Variants in PRAM1 observed in about 807,000 individuals in gnomAD.
PRAM1 encodes PML-RARA regulated adaptor molecule 1.
A neutral mutation model predicts 55.3 loss-of-function variants in PRAM1; 41 were observed. The ratio of observed to expected loss-of-function variants is 0.74; its 90% confidence interval spans 0.58 to 0.96. The LOEUF (loss-of-function observed/expected upper bound fraction) is 0.96, where lower values mean the gene tolerates loss of function less well. PRAM1 is among the 40% of genes least tolerant of loss of function. PRAM1 has a pLI of 0.00. For synonymous variants in PRAM1, 401 were observed against 387.1 expected, an observed-to-expected ratio of 1.04 and a Z score of -0.42; for missense variants, 898 against 892.7, an observed-to-expected ratio of 1.01 and a Z score of -0.08.
At position 8,499,198 on chromosome 19, in the gene PRAM1, A is replaced by G; in HGVS notation, c.610T>C (p.Ser204Pro). 1 of 1,610,498 alleles carries G rather than the reference A, an allele frequency of 6.2e-7. No homozygotes were observed. Among genetic ancestry groups the G allele is most frequent in the East Asian group, 2.2e-5 (1 of 44,626 alleles). ...AAGGTACTCAACTCAGGCTGCGGGG[A>G]CCTCGGGGTAGCCTCACCGGCCTCG... ...QPEAGEATPRSPQPELSTFPK... is the reference protein window; with the variant it reads ...QPEAGEATPRPPQPELSTFPK... Residue 204 changes from serine to proline, a missense_variant, in exon 2 of 10, where the codon TCC (serine) becomes CCC (proline). Coordinates refer to ENST00000423345, the MANE Select transcript of PRAM1 (RefSeq NM_032152.5).
chr19:8,499,235 C>T lies in PRAM1; in HGVS notation c.573G>A (p.Lys191=), dbSNP rs1390476338. 1 of 1,612,510 alleles carries T rather than the reference C, an allele frequency of 6.2e-7. No homozygotes were observed. The highest frequency in any genetic ancestry group is 8.5e-7 in the Non-Finnish European group (1 of 1,179,024). The change falls in exon 2 of 10, where the codon AAG becomes AAA. Residue 191 remains lysine (K), a synonymous_variant. Coordinates refer to ENST00000423345, the MANE Select transcript of PRAM1 (RefSeq NM_032152.5). ...SEPKSGAFPR[K]LWQPEAGEAT... is the part of the protein sequence containing the mutation. Reference sequence around the variant, plus strand: ...CCTCACCGGCCTCGGGTTGCCAGAGCTTCCTGGGGAATGCGCCGGATTTGG... The same window carrying T: ...CCTCACCGGCCTCGGGTTGCCAGAGTTTCCTGGGGAATGCGCCGGATTTGG...
chr19:8,491,286 T>C, intron 4 of PRAM1, 129 bp from the exon 5 acceptor site: 2 of 963,882 alleles, frequency 2.1e-6, no homozygotes, highest in South Asian at 1.4e-5. Flanking sequence ...CAGGCTGGAG[T>C]GCAATGGCAC....
In PRAM1 at chr19:8,490,861, A is replaced by T. The variant is rs1321794370; in HGVS notation, c.1743+26T>A. 7 of 1,610,740 alleles carry T rather than the reference A, an allele frequency of 4.3e-6. No homozygotes were observed. The highest frequency in any genetic ancestry group is 1.3e-5 in the African/African-American group (1 of 74,756). The stretch of plus-strand genomic sequence containing the variant: ...GGACCCTGGTCTCCGCCCTGCCAGG[A>T]CTCCTGCTTAGCTCAGAGGCCTCAC... On this transcript the variant is annotated intron_variant, in intron 6 of 9. Transcript: ENST00000423345. This position sits in a 1 kb window ranked among gnomAD's most constrained non-coding sequence, Gnocchi z 7.3.
Position 8,498,220 on chromosome 19 carries a change from C to CA in PRAM1, c.1499+2dup, listed in dbSNP as rs756067164. On this transcript the variant is annotated splice_region_variant and intron_variant, in intron 3 of 9. Transcript: ENST00000423345. ...CCCACCTCCGCTTCCTCCCCACACT[C>CA]ACTGCGGGATGTCTTCAGGCTGTCG... is the stretch of plus-strand genomic sequence containing the variant. 4.3e-6 allele frequency: 7 copies of CA among 1,611,710 alleles called. No individual in the cohort carries two copies. The South Asian group carries it at 7.7e-5, about 18-fold the overall frequency.
In PRAM1 at chr19:8,498,725, C is replaced by T. The variant is rs745957167; in HGVS notation, c.1083G>A (p.Glu361=). The T allele has an allele frequency of 6.3e-7, 1 of 1,587,870 alleles. No homozygotes were observed. The highest frequency in any genetic ancestry group is 8.6e-7 in the Non-Finnish European group (1 of 1,167,948). ...GGTGTCTCTTGAGGACAGCGCTGGG[C>T]TCAGGCTGTGAGAACTTGCGGGGTG... The part of the protein sequence containing the change: ...RGPPRKFSQP[E]PSAVLKRHPQ... Residue 361 remains glutamate, a synonymous_variant, in exon 2 of 10, where the codon GAG becomes GAA. Transcript: ENST00000423345.
At chr19:8,502,464 G>GCGCCCC in intron 1 of PRAM1, 101 bp downstream of exon 1, 1 of 216,460 alleles carries the variant, frequency 4.6e-6, no homozygotes, top group Non-Finnish European at 8.4e-6. Context: ...GCCACCCCCC[G>GCGCCCC]CCCCCCCGCC....
chr19:8,491,000 T>C lies in PRAM1; in HGVS notation c.1635-5A>G, dbSNP rs1369562327. 3.1e-6 allele frequency: 5 copies of C among 1,613,414 alleles called. No homozygotes were observed. The highest frequency in any genetic ancestry group is 4.2e-6 in the Non-Finnish European group (5 of 1,179,768). On this transcript the variant is annotated splice_region_variant and splice_polypyrimidine_tract_variant and intron_variant, in intron 5 of 9. Coordinates refer to ENST00000423345, the MANE Select transcript of PRAM1 (RefSeq NM_032152.5). The surrounding 1 kb of genome is among the most constrained non-coding windows in gnomAD (Gnocchi z 7.3). ...GGCTGGGGATCCTTCTCCTTCCTGA[T>C]AGCCCCCACCAAGGAATTGTGTGCT... is the stretch of plus-strand genomic sequence containing the variant.
At chr19:8,491,611 T>G (rs1042903333) in intron 4 of PRAM1, 3 of 194,092 alleles carry the variant, frequency 1.5e-5, no homozygotes, top group African/African-American at 2.4e-5. Context: ...CTCCCAAACC[T>G]CTCCCTGCCC....
intron 1 of PRAM1, among the ~76,000 whole-genome samples, chr19:8,501,222 G>A (rs561027025): frequency 6.6e-6 from 1 of 151,082 alleles, no homozygotes; most frequent in South Asian, 2.1e-4. Flanking sequence ...CTCCTGAGTA[G>A]CTGGGATCAC....
chr19:8,497,870 C>CTTTTTTTTTTTT, intron 3 of PRAM1, 30 bp from the exon 4 acceptor site: 2 of 358,022 alleles, frequency 5.6e-6, no homozygotes, highest in Non-Finnish European at 8.7e-6. Flanking sequence ...GAGGCCTCTT[C>CTTTTTTTTTTTT]TTTTTTTTTT....
intron 4 of PRAM1, among the ~76,000 whole-genome samples, chr19:8,496,504 C>T (rs571164040): frequency 3.3e-5 from 5 of 151,574 alleles, no homozygotes; most frequent in Admixed American, 6.6e-5. Flanking sequence ...GTGGGTGGAT[C>T]GTTTGAGGTC....
chr19:8,497,010 A>G (rs1971707811), intron 4 of PRAM1, among the ~76,000 whole-genome samples: 1 of 152,150 alleles, frequency 6.6e-6, no homozygotes, highest in South Asian at 2.1e-4. Context: ...TGGGTGACAG[A>G]GCGAGACTCC....
chr19:8,496,160 A>T, intron 4 of PRAM1: 1 of 454,956 alleles, frequency 2.2e-6, no homozygotes, highest in Non-Finnish European at 4.4e-6. Context: ...TCACGCCTGA[A>T]ATCTCAGCAC....
At position 8,499,271 on chromosome 19, in the gene PRAM1, G is replaced by C. The variant is rs773461186; in HGVS notation, c.537C>G (p.Pro179=). The C allele has an allele frequency of 6.2e-7, 1 of 1,609,524 alleles. No individual in the cohort carries two copies. The highest frequency in any genetic ancestry group is 8.5e-7 in the Non-Finnish European group (1 of 1,177,602). Residue 179 remains proline, a synonymous_variant, in exon 2 of 10, where the codon CCC becomes CCG. Coordinates refer to ENST00000423345, the MANE Select transcript of PRAM1 (RefSeq NM_032152.5). ...ATGCGCCGGATTTGGGTTCGGAGGG[G>C]GGTCTGGCGGGGTGACTGAGTTCGT... ...QPDELSHPAR[P]PSEPKSGAFP... is the part of the protein sequence containing the mutation.
rs767797713 is a variant in PRAM1 at position 8,498,530 on chromosome 19, A to G, written c.1278T>C (p.Ser426=). The change falls in exon 2 of 10, where the codon AGT becomes AGC. Residue 426 remains serine (S), a synonymous_variant. Coordinates refer to ENST00000423345, the MANE Select transcript of PRAM1 (RefSeq NM_032152.5). The part of the protein sequence containing the change: ...PRWRSGGLVH[S]GGARPGLRPS... Reference sequence around the variant, plus strand: ...GTCTGAGGCCTGGCCTGGCCCCTCCACTGTGAACCAGGCCTCCTGACCTCC... The same window carrying G: ...GTCTGAGGCCTGGCCTGGCCCCTCCGCTGTGAACCAGGCCTCCTGACCTCC... 4.4e-6 allele frequency: 7 copies of G among 1,608,050 alleles called. No homozygotes were observed. In the South Asian group the frequency reaches 7.7e-5, roughly 18 times the overall value.
At chr19:8,495,390 A>G (rs564323821) in intron 4 of PRAM1, among the ~76,000 whole-genome samples, 49 of 151,962 alleles carry the variant, frequency 3.2e-4, no homozygotes, top group Non-Finnish European at 6.3e-4. Flanking sequence ...GTGAGCCACC[A>G]CGCCCGGCCC....
At position 8,499,568 on chromosome 19, in the gene PRAM1, GGGGAGGTCAGTGACCTC is replaced by G. The variant is rs746430638; in HGVS notation, c.223_239del (p.Glu75GlnfsTer7). 4.4e-5 allele frequency: 69 copies of G among 1,561,646 alleles called. 1 individual carries two copies. The highest frequency in any genetic ancestry group is 2.8e-4 in the African/African-American group (20 of 71,200). On this transcript the variant is annotated frameshift_variant, in exon 2 of 10. Transcript: ENST00000423345. LOFTEE classifies it high-confidence loss of function. ...TGACCTCAGGCGGCGGGGGCTTCTT[GGGGAGGTCAGTGACCTC>G]AGGCGGCGGGGGCTTCAAGGACACT...
intron 4 of PRAM1, among the ~76,000 whole-genome samples, chr19:8,494,732 A>G (rs1166273799): frequency 6.6e-6 from 1 of 150,870 alleles, no homozygotes; most frequent in South Asian, 2.1e-4. Flanking sequence ...CCCAGGTTCA[A>G]GCGATTCTCC....
rs1182893814 is a variant in PRAM1, at chr19:8,490,885, A to T, written c.1743+2T>A. 1 of 1,612,992 alleles carries T rather than the reference A, an allele frequency of 6.2e-7. No homozygotes were observed. The highest frequency in any genetic ancestry group is 8.5e-7 in the Non-Finnish European group (1 of 1,179,784). ...GACTCCTGCTTAGCTCAGAGGCCTC[A>T]CCTTGAACTTCTTCCGGAACTCCCT... is the stretch of plus-strand genomic sequence containing the variant. On this transcript the variant is annotated splice_donor_variant, in intron 6 of 9. Transcript: ENST00000423345. LOFTEE classifies it high-confidence loss of function. This position sits in a 1 kb window ranked among gnomAD's most constrained non-coding sequence, Gnocchi z 7.3.
Sources: gnomAD v4.1 joint callset for allele counts (sites outside exome capture counted in the v4.1 genomes callset) on GRCh38, gnomAD v4.1.1 for gene constraint, Gnocchi (gnomAD v3.1) non-coding constraint, MANE v1.5 for transcripts, NCBI Gene and HGNC (gene_info 2026-07-23, HGNC 2026-07-21) for gene names.